WTIP: variants seen among roughly 807,000 people sequenced by gnomAD.
WTIP encodes WT1 interacting protein, also known as Wilms tumor protein 1-interacting protein.
Under a neutral mutation model 41.7 loss-of-function variants are expected in WTIP, and 23 were observed. That is an observed-to-expected ratio of 0.55 (90% CI 0.40 to 0.78). The LOEUF (loss-of-function observed/expected upper bound fraction) is 0.78, where lower values mean the gene tolerates loss of function less well. Among genes scored for constraint, WTIP ranks in the 30% least tolerant of loss-of-function variants. The pLI is 0.00. For missense variants in WTIP, 619 were observed against 610.5 expected (o/e 1.01, Z -0.15); for synonymous variants, 314 against 269.9 (o/e 1.16, Z -1.60).
In WTIP at chr19:34,482,468, G is replaced by GC. The variant is rs1209606245; in HGVS notation, c.498dup (p.Ala167ArgfsTer83). Reference sequence around the variant, plus strand: ...GCTGACTTCCTCCCGCCCGGCGCCTGCCCCGCGCCCGCTCGCTCCCCGGAG... The same window carrying GC: ...GCTGACTTCCTCCCGCCCGGCGCCTGCCCCCGCGCCCGCTCGCTCCCCGGAG... On this transcript the variant is annotated frameshift_variant, in exon 1 of 8. Transcript: ENST00000590071. LOFTEE classifies it high-confidence loss of function. 1.6e-6 allele frequency: 2 copies of GC among 1,253,552 alleles called. No individual in the cohort carries two copies. Among genetic ancestry groups the GC allele is most frequent in the Non-Finnish European group, 2.0e-6 (2 of 1,003,006 alleles). The allele number at this position is 1,253,552 out of a possible 1,614,324, so 77.7% of individuals were successfully genotyped here.
At chr19:34,491,960 C>A (rs1221829914) in intron 2 of WTIP, among the ~76,000 whole-genome samples, 1 of 152,078 alleles carries the variant, frequency 6.6e-6, no homozygotes, top group Non-Finnish European at 1.5e-5. Flanking sequence ...TGCCCTTTTT[C>A]AGTTGATCCC....
intron 1 of WTIP, among the ~76,000 whole-genome samples, chr19:34,483,862 T>G (rs2075783492): frequency 6.6e-6 from 1 of 151,596 alleles, no homozygotes; most frequent in Admixed American, 6.6e-5. Context: ...GTCCTGGGGT[T>G]TGTGTCTTTG....
At chr19:34,483,289 G>T (rs1273646034) in intron 1 of WTIP, among the ~76,000 whole-genome samples, 1 of 150,610 alleles carries the variant, frequency 6.6e-6, no homozygotes, top group Non-Finnish European at 1.5e-5. Flanking sequence ...CTCCCAAGGT[G>T]CTAGGATTAC....
intron 1 of WTIP, among the ~76,000 whole-genome samples, chr19:34,485,558 C>T (rs182243736): frequency 1.3e-5 from 2 of 151,938 alleles, no homozygotes; most frequent in African/African-American, 4.8e-5. Context: ...CTCTGATAAA[C>T]CTCGTCCTCA....
intron 2 of WTIP, among the ~76,000 whole-genome samples, chr19:34,491,339 T>A (rs936547377): frequency 1.3e-5 from 2 of 152,058 alleles, no homozygotes; most frequent in South Asian, 4.2e-4. Context: ...TTTATATTTT[T>A]TTTTTGAGAC....
chr19:34,490,403 T>A lies in WTIP; in HGVS notation c.695T>A (p.Ile232Asn), dbSNP rs1344647191. 1 of 1,613,910 alleles carries A rather than the reference T, an allele frequency of 6.2e-7. No individual in the cohort carries two copies. The highest frequency in any genetic ancestry group is 1.3e-5 in the African/African-American group (1 of 74,940). ...FGICIKCGLG[I>N]YGAQQACQAM... is the part of the protein sequence containing the mutation. Reference sequence around the variant, plus strand: ...ATTTGCATCAAGTGTGGGCTTGGCATCTACGGAGCCCAGCAGGCGTGCCAG... The same window carrying A: ...ATTTGCATCAAGTGTGGGCTTGGCAACTACGGAGCCCAGCAGGCGTGCCAG... Residue 232 changes from isoleucine (I) to asparagine (N), a missense_variant, in exon 2 of 8, where the codon ATC becomes AAC. Physicochemically the swap from Ile to Asn is moderately radical, Grantham distance 149. Transcript: ENST00000590071.
Position 34,490,319 on chromosome 19 carries a change from C to T in WTIP, c.668-57C>T, listed in dbSNP as rs2075819132. The T allele has an allele frequency of 1.7e-5, 26 of 1,536,498 alleles. No homozygotes were observed. In the Admixed American group the frequency reaches 2.2e-4, roughly 13 times the overall value. ...GGCGGTGTCAAGACGGGGAGTCCGTCGGTGTGGCATAGGCTGTGGCGCTAA... is the reference window on the plus strand; with the variant it reads ...GGCGGTGTCAAGACGGGGAGTCCGTTGGTGTGGCATAGGCTGTGGCGCTAA... On this transcript the variant is annotated intron_variant, in intron 1 of 7. Coordinates refer to ENST00000590071, the MANE Select transcript of WTIP (RefSeq NM_001080436.2).
chr19:34,482,466 C>T lies in WTIP; in HGVS notation c.492C>T (p.Ala164=). 1.6e-6 allele frequency: 2 copies of T among 1,262,364 alleles called. No homozygotes were observed. Among genetic ancestry groups the T allele is most frequent in the Non-Finnish European group, 2.0e-6 (2 of 1,007,506 alleles). 78.2% of individuals were successfully genotyped at this position (1,262,364 alleles called of 1,614,324 possible). Residue 164 remains alanine (A), a synonymous_variant, in exon 1 of 8, where the codon GCC becomes GCT. Coordinates refer to ENST00000590071, the MANE Select transcript of WTIP (RefSeq NM_001080436.2). ...ACGCTGACTTCCTCCCGCCCGGCGCCTGCCCCGCGCCCGCTCGCTCCCCGG... is the reference window on the plus strand; with the variant it reads ...ACGCTGACTTCCTCCCGCCCGGCGCTTGCCCCGCGCCCGCTCGCTCCCCGG... The part of the protein sequence containing the change: ...GAYADFLPPG[A]CPAPARSPEP...
chr19:34,484,482 G>T (rs1056291003), intron 1 of WTIP, among the ~76,000 whole-genome samples: 1 of 152,078 alleles, frequency 6.6e-6, no homozygotes, highest in African/African-American at 2.4e-5. Flanking sequence ...GTCTCGTGGC[G>T]CCTGTTGGAT....
intron 1 of WTIP, among the ~76,000 whole-genome samples, chr19:34,486,373 T>G (rs1265014552): frequency 1.3e-5 from 2 of 151,658 alleles, no homozygotes; most frequent in Non-Finnish European, 2.9e-5. Flanking sequence ...AGTTTGTTTT[T>G]TTTTTTTTTT....
intron 1 of WTIP, among the ~76,000 whole-genome samples, chr19:34,489,214 A>AAAG (rs1360581641): frequency 6.6e-6 from 1 of 151,014 alleles, no homozygotes; most frequent in Non-Finnish European, 1.5e-5. Flanking sequence ...AAAAAAAAAA[A>AAAG]AAAAAAATCC....
In WTIP at chr19:34,493,240, C is replaced by T. The variant is rs2075834885; in HGVS notation, c.838-23C>T. 1 of 1,613,620 alleles carries T rather than the reference C, an allele frequency of 6.2e-7. No individual in the cohort carries two copies. Among genetic ancestry groups the T allele is most frequent in the Admixed American group, 1.7e-5 (1 of 59,964 alleles). On this transcript the variant is annotated intron_variant, in intron 3 of 7. Coordinates refer to ENST00000590071, the MANE Select transcript of WTIP (RefSeq NM_001080436.2). The surrounding 1 kb of genome is among the most constrained non-coding windows in gnomAD (Gnocchi z 4.1). ...GAGTGCCCCTTTGTCACACAATGTC[C>T]TGGATCCTGTGTCCCCTCCCAGTAC...
In WTIP at chr19:34,493,871, C is replaced by T. The variant is rs1212267741; in HGVS notation, c.1031+249C>T. Among the ~76,000 whole-genome samples, 1 of 152,070 alleles carries T rather than the reference C, an allele frequency of 6.6e-6. No homozygotes were observed. The highest frequency in any genetic ancestry group is 1.5e-5 in the Non-Finnish European group (1 of 68,024). On this transcript the variant is annotated intron_variant, in intron 5 of 7. Coordinates refer to ENST00000590071, the MANE Select transcript of WTIP (RefSeq NM_001080436.2). This position sits in a 1 kb window ranked among gnomAD's most constrained non-coding sequence, Gnocchi z 4.1. ...CCTGCATGCTTCTCTACTCCTGGCA[C>T]AGGGGACCCTCCTGGCTGCAGTACC... is the stretch of plus-strand genomic sequence containing the variant.
intron 6 of WTIP, among the ~76,000 whole-genome samples, chr19:34,494,981 G>A (rs998563030): frequency 5.9e-5 from 9 of 152,180 alleles, no homozygotes; most frequent in Admixed American, 4.6e-4. Context: ...CGTGGTCTGT[G>A]CGGGAGCCAC....
In WTIP at chr19:34,482,615, A is replaced by T; in HGVS notation, c.641A>T (p.Glu214Val). ...ALTRELERAL[E>V]ARTARDYFGI... is the part of the protein sequence containing the mutation. ...ACCCGGGAGCTGGAGCGGGCGCTCGAGGCGCGCACGGCGCGGGACTACTTC... is the reference window on the plus strand; with the variant it reads ...ACCCGGGAGCTGGAGCGGGCGCTCGTGGCGCGCACGGCGCGGGACTACTTC... Residue 214 changes from glutamate (E) to valine (V), a missense_variant, in exon 1 of 8, where the codon GAG becomes GTG. Transcript: ENST00000590071. 1.6e-6 allele frequency: 2 copies of T among 1,229,644 alleles called. No homozygotes were observed. Among genetic ancestry groups the T allele is most frequent in the African/African-American group, 1.6e-5 (1 of 64,246 alleles). The allele number at this position is 1,229,644 out of a possible 1,614,324, so 76.2% of individuals were successfully genotyped here.
chr19:34,482,338 C>T lies in WTIP; in HGVS notation c.364C>T (p.Arg122Cys). 7.2e-7 allele frequency: 1 copy of T among 1,384,526 alleles called. No individual in the cohort carries two copies. Among genetic ancestry groups the T allele is most frequent in the Non-Finnish European group, 9.4e-7 (1 of 1,063,440 alleles). 85.8% of individuals were successfully genotyped at this position (1,384,526 alleles called of 1,614,324 possible). The change falls in exon 1 of 8, where the codon CGC becomes TGC. Residue 122 changes from arginine to cysteine, a missense_variant. By Grantham distance (180) the Arg-to-Cys change is radical. This residue lies in a region of WTIP where 363 missense variants were observed against 309.0 expected (regional missense o/e 1.17). Coordinates refer to ENST00000590071, the MANE Select transcript of WTIP (RefSeq NM_001080436.2). ...LGYDQRHGSP[R>C]SGRSDPRPGP... ...CTACGACCAGCGCCACGGCAGCCCG[C>T]GCTCCGGTCGCTCGGACCCGCGTCC...
At chr19:34,492,371 T>C (rs574795239) in intron 2 of WTIP, among the ~76,000 whole-genome samples, 49 of 121,942 alleles carry the variant, frequency 4.0e-4, no homozygotes, top group African/African-American at 1.6e-3. Flanking sequence ...TGCCTCAGCC[T>C]CCCAGGAGGC....
chr19:34,483,048 AGACTGGAGTGCAGCGG>A (rs2075778179), intron 1 of WTIP, among the ~76,000 whole-genome samples: 1 of 129,850 alleles, frequency 7.7e-6, no homozygotes, highest in Admixed American at 9.0e-5. Context: ...TCTGTCGCCG[AGACTGGAGTGCAGCGG>A]CGCGTCCTCG....
In WTIP at chr19:34,507,136, A is replaced by C. The variant is rs2075915158; in HGVS notation, c.*6867A>C. On this transcript the variant is annotated 3_prime_UTR_variant, in exon 8 of 8. Transcript: ENST00000590071. ...CTACTCGGGAGGCTGAGGCAGAAGA[A>C]GCGCTTGAACCCGGGAGGCGGAGGT... 6.6e-6 allele frequency: 1 copy of C among 151,644 alleles called. No homozygotes were observed. Among genetic ancestry groups the C allele is most frequent in the Admixed American group, 6.6e-5 (1 of 15,204 alleles). The allele number at this position is 151,644 out of a possible 1,614,324, so 9.4% of individuals were successfully genotyped here.
Sources: allele counts gnomAD v4.1 joint callset (sites outside exome capture counted in the v4.1 genomes callset), GRCh38; gene constraint gnomAD v4.1.1; regional missense constraint gnomAD v4.1.1; non-coding constraint Gnocchi (gnomAD v3.1); transcripts MANE v1.5; gene names NCBI Gene and HGNC (gene_info 2026-07-23, HGNC 2026-07-21).